ALOX12B: variants seen among roughly 807,000 people sequenced by gnomAD.
ALOX12B encodes the protein arachidonate 12-lipoxygenase, 12R type.
ALOX12B carries 47 observed loss-of-function variants against 78.9 expected under a neutral mutation model. The ratio of observed to expected loss-of-function variants is 0.60; its 90% CI spans 0.47 to 0.76. ALOX12B has a LOEUF of 0.76. Among genes scored for constraint, ALOX12B ranks in the 30% least tolerant of loss-of-function variants. The pLI is 0.00. For synonymous variants in ALOX12B, 370 were observed against 374.5 expected (o/e 0.99, Z 0.14); for missense variants, 805 against 922.6 (o/e 0.87, Z 1.65).
rs1433070298 is a variant in ALOX12B, at chr17:8,076,485, C to T, written c.1363-141G>A. The T allele has an allele frequency of 3.1e-6, 4 of 1,284,666 alleles. No individual in the cohort carries two copies. In the African/African-American group the frequency reaches 4.4e-5, roughly 14 times the overall value. 79.6% of individuals were successfully genotyped at this position (1,284,666 alleles called of 1,614,324 possible). On this transcript the variant is annotated intron_variant, in intron 10 of 14. Transcript: ENST00000647874. Reference sequence around the variant, plus strand: ...GGAACAATCCTGCTCTGGGCCAGCACACCAGCCCTGCCTCTGCTCCTTTCT... The same window carrying T: ...GGAACAATCCTGCTCTGGGCCAGCATACCAGCCCTGCCTCTGCTCCTTTCT...
chr17:8,083,167 T>C (rs952534796), intron 2 of ALOX12B, among the ~76,000 whole-genome samples: 2 of 152,040 alleles, frequency 1.3e-5, no homozygotes, highest in African/African-American at 4.8e-5. Flanking sequence ...GGTATGTGTG[T>C]GATATAGATT....
intron 2 of ALOX12B, among the ~76,000 whole-genome samples, chr17:8,083,377 A>T (rs1978289574): frequency 6.6e-6 from 1 of 152,188 alleles, no homozygotes; most frequent in Non-Finnish European, 1.5e-5. Flanking sequence ...ACGTGGGGAC[A>T]AGGCTGGATT....
Position 8,072,656 on chromosome 17 carries a change from TTTTG to T in ALOX12B, c.*111_*114del, listed in dbSNP as rs1567980045. 4.1e-6 allele frequency: 6 copies of T among 1,453,004 alleles called. No individual in the cohort carries two copies. Among genetic ancestry groups the T allele is most frequent in the African/African-American group, 1.4e-5 (1 of 70,758 alleles). 90.0% of individuals were successfully genotyped at this position (1,453,004 alleles called of 1,614,324 possible). A position where few individuals can be genotyped will look rare whatever the true frequency, so the allele number is the denominator to read the frequency against. ...CCAGGGAAAGGAAGGTTTTTTGTTT[TTTTG>T]TTTGTTTGGTGTTTTGGTCTCTGAG... On this transcript the variant is annotated 3_prime_UTR_variant, in exon 15 of 15. Transcript: ENST00000647874.
At chr17:8,081,649 A>C (rs1377204426) in intron 2 of ALOX12B, 8 of 193,948 alleles carry the variant, frequency 4.1e-5, no homozygotes, top group South Asian at 1.8e-4. Context: ...CCATGTGTAC[A>C]CATTTTTTTT....
At chr17:8,083,746 C>CA (rs1485028434) in intron 2 of ALOX12B, among the ~76,000 whole-genome samples, 13 of 110,268 alleles carry the variant, frequency 1.2e-4, no homozygotes, top group African/African-American at 4.3e-4. Context: ...AAAACAAAAA[C>CA]AAAACAAAAA....
In ALOX12B at chr17:8,080,012, A is replaced by C; in HGVS notation, c.755-71T>G. The C allele has an allele frequency of 6.4e-7, 1 of 1,571,440 alleles. No individual in the cohort carries two copies. The highest frequency in any genetic ancestry group is 1.1e-5 in the South Asian group (1 of 87,310). On this transcript the variant is annotated intron_variant, in intron 6 of 14. Transcript: ENST00000647874. This position sits in a 1 kb window ranked among gnomAD's most constrained non-coding sequence, Gnocchi z 4.8. ...CGGGGACGGAGAGGCATGGGACAGAAGAAGACTATGGGCACCGAGAGGAGT... is the reference window on the plus strand; with the variant it reads ...CGGGGACGGAGAGGCATGGGACAGACGAAGACTATGGGCACCGAGAGGAGT...
rs749294264 is a variant in ALOX12B at position 8,076,194 on chromosome 17, C to T, written c.1513G>A (p.Val505Met). The T allele has an allele frequency of 1.4e-5, 22 of 1,614,128 alleles. No individual in the cohort carries two copies. Among genetic ancestry groups the T allele is most frequent in the Admixed American group, 6.7e-5 (4 of 60,020 alleles). The change falls in exon 11 of 15, where the codon GTG (valine) becomes ATG (methionine). Residue 505 changes from valine to methionine, a missense_variant. Val to Met is a conservative substitution (Grantham distance 21). Coordinates refer to ENST00000647874, the MANE Select transcript of ALOX12B (RefSeq NM_001139.3). ...GCTCACTTCTCCAGTGCATTCCACA[C>T]CGCCAAGCTGTCATCGCGGTAGTAA... ...GYYYRDDSLAVWNALEKYVTE... is the reference protein window; with the variant it reads ...GYYYRDDSLAMWNALEKYVTE...
At chr17:8,076,480 C>T in intron 10 of ALOX12B, 136 bp from the exon 11 acceptor site, 1 of 1,291,298 alleles carries the variant, frequency 7.7e-7, no homozygotes, top group Non-Finnish European at 1.1e-6. Context: ...TGCTCTGGGC[C>T]AGCACACCAG....
At chr17:8,082,757 T>C (rs1427380293) in intron 2 of ALOX12B, among the ~76,000 whole-genome samples, 2 of 152,192 alleles carry the variant, frequency 1.3e-5, no homozygotes, top group Non-Finnish European at 2.9e-5. Flanking sequence ...TGGCCCCCAC[T>C]CTTTTTGCAC....
At position 8,075,653 on chromosome 17, in the gene ALOX12B, T is replaced by C; in HGVS notation, c.1596A>G (p.Glu532=). ...PSDAAVEGDP[E]LQSWVQEIFK... is the part of the protein sequence containing the mutation. ...ATATTTCCTGCACCCAAGACTGCAA[T>C]TCCGGATCACCCTCCACGGCTGCGT... Residue 532 remains glutamate (E), a synonymous_variant, in exon 12 of 15, where the codon GAA becomes GAG. Transcript: ENST00000647874. 1 of 1,614,164 alleles carries C rather than the reference T, an allele frequency of 6.2e-7. No individual in the cohort carries two copies. The highest frequency in any genetic ancestry group is 8.5e-7 in the Non-Finnish European group (1 of 1,180,024).
chr17:8,084,428 A>C (rs3027294), intron 2 of ALOX12B, among the ~76,000 whole-genome samples: 110,000 of 152,100 alleles, frequency 0.72, 40,272 homozygotes, highest in African/African-American at 0.85. Context: ...AGGGCGGAAG[A>C]CTCACTCCTT....
At chr17:8,074,006 G>C (rs888821892) in intron 12 of ALOX12B, among the ~76,000 whole-genome samples, 1 of 152,166 alleles carries the variant, frequency 6.6e-6, no homozygotes, top group African/African-American at 2.4e-5. Context: ...TGTCTAACCA[G>C]TGGCCCTCAG....
chr17:8,073,769 G>A lies in ALOX12B; in HGVS notation c.1655-12C>T, dbSNP rs753184042. 9 of 1,611,326 alleles carry A rather than the reference G, an allele frequency of 5.6e-6. No homozygotes were observed. Among genetic ancestry groups the A allele is most frequent in the African/African-American group, 5.3e-5 (4 of 74,844 alleles). ...GCACCTAGGGAAGCCTGACCGGCGG[G>A]GGAAAAGCCCAGGCGACATCAGTCG... is the stretch of plus-strand genomic sequence containing the variant. On this transcript the variant is annotated splice_polypyrimidine_tract_variant and intron_variant, in intron 12 of 14. Coordinates refer to ENST00000647874, the MANE Select transcript of ALOX12B (RefSeq NM_001139.3).
Position 8,079,999 on chromosome 17 carries a change from G to T in ALOX12B, c.755-58C>A, listed in dbSNP as rs375743757. 4.5e-4 allele frequency: 719 copies of T among 1,582,350 alleles called. 5 individuals carry two copies. In the East Asian group the frequency reaches 0.014, roughly 30 times the overall value. On this transcript the variant is annotated intron_variant, in intron 6 of 14. Coordinates refer to ENST00000647874, the MANE Select transcript of ALOX12B (RefSeq NM_001139.3). The surrounding 1 kb of genome is among the most constrained non-coding windows in gnomAD (Gnocchi z 6.4). ...GCCCGGCCCCCCTCGGGGACGGAGA[G>T]GCATGGGACAGAAGAAGACTATGGG...
At position 8,080,144 on chromosome 17, in the gene ALOX12B, C is replaced by T. The variant is rs1977180201; in HGVS notation, c.754+91G>A. 1 of 1,510,416 alleles carries T rather than the reference C, an allele frequency of 6.6e-7. No individual in the cohort carries two copies. The highest frequency in any genetic ancestry group is 9.2e-7 in the Non-Finnish European group (1 of 1,086,466). The allele number at this position is 1,510,416 out of a possible 1,614,324, so 93.6% of individuals were successfully genotyped here. On this transcript the variant is annotated intron_variant, in intron 6 of 14. Coordinates refer to ENST00000647874, the MANE Select transcript of ALOX12B (RefSeq NM_001139.3). This position sits in a 1 kb window ranked among gnomAD's most constrained non-coding sequence, Gnocchi z 4.8. Reference sequence around the variant, plus strand: ...GGCGCGCGCGCGCCTCGCTGCCTCTCCCGTCCCACTGCCCCGAAGTCGGGG... The same window carrying T: ...GGCGCGCGCGCGCCTCGCTGCCTCTTCCGTCCCACTGCCCCGAAGTCGGGG...
At chr17:8,081,303 A>T in intron 2 of ALOX12B, 116 bp from the exon 3 acceptor site, 1 of 1,012,554 alleles carries the variant, frequency 9.9e-7, no homozygotes, top group Non-Finnish European at 1.5e-6. Context: ...ATGACCAAGG[A>T]GTGGGAAGGC....
chr17:8,073,305 G>A lies in ALOX12B; in HGVS notation c.1769C>T (p.Ala590Val), dbSNP rs1598177063. 4 of 1,614,204 alleles carry A rather than the reference G, an allele frequency of 2.5e-6. No homozygotes were observed. Among genetic ancestry groups the A allele is most frequent in the East Asian group, 4.5e-5 (2 of 44,886 alleles). ...GGACGCTGGGAAGTTGGGCATCCAG[G>A]CGGTGAACTCCATCTGGAGGTGGGA... ...AVNTGQMEFT[A>V]WMPNFPASMR... The change falls in exon 14 of 15, where the codon GCC (alanine) becomes GTC (valine). Residue 590 changes from alanine (A) to valine (V), a missense_variant. Physicochemically the swap from Ala to Val is moderately conservative, Grantham distance 64. Coordinates refer to ENST00000647874, the MANE Select transcript of ALOX12B (RefSeq NM_001139.3).
intron 8 of ALOX12B, among the ~76,000 whole-genome samples, chr17:8,078,841 C>T (rs2151822623): frequency 6.6e-6 from 1 of 151,730 alleles, no homozygotes; most frequent in South Asian, 2.1e-4. Flanking sequence ...TGGCTCACGC[C>T]TGTGATCCCA....
Position 8,080,527 on chromosome 17 carries a change from G to C in ALOX12B, c.650+131C>G, listed in dbSNP as rs8064265. ...TGGGATCATGTCTCAGGTTTTCTGG[G>C]TCTGCGTTTCAGCTCCCTCTGCCTT... On this transcript the variant is annotated intron_variant, in intron 5 of 14. Coordinates refer to ENST00000647874, the MANE Select transcript of ALOX12B (RefSeq NM_001139.3). This position sits in a 1 kb window ranked among gnomAD's most constrained non-coding sequence, Gnocchi z 4.8. 0.015 allele frequency: 21,983 copies of C among 1,479,468 alleles called. 1,535 individuals carry two copies. The African/African-American group carries it at 0.19, about 13-fold the overall frequency. 91.6% of individuals were successfully genotyped at this position (1,479,468 alleles called of 1,614,324 possible). A position where few individuals can be genotyped will look rare whatever the true frequency, so the allele number is the denominator to read the frequency against.
Sources: allele counts gnomAD v4.1 joint callset (sites outside exome capture counted in the v4.1 genomes callset), GRCh38; gene constraint gnomAD v4.1.1; non-coding constraint Gnocchi (gnomAD v3.1); transcripts MANE v1.5; gene names NCBI Gene and HGNC (gene_info 2026-07-23, HGNC 2026-07-21).